Variants in CCZ1B observed in about 807,000 individuals in gnomAD.
CCZ1B encodes vacuolar fusion protein CCZ1 homolog B.
CCZ1B carries 25 observed loss-of-function variants against 58.8 expected under a neutral mutation model. The ratio of observed to expected loss-of-function variants is 0.43; its 90% CI spans 0.31 to 0.59. The LOEUF (loss-of-function observed/expected upper bound fraction) is 0.59. Ranked by LOEUF, CCZ1B falls within the 20% of genes least tolerant of loss-of-function variation. The probability of loss-of-function intolerance (pLI) is 0.12; values close to 1 mark genes in which losing one functional copy is unlikely to be tolerated. For missense variants in CCZ1B, 180 were observed against 501.5 expected, an observed-to-expected ratio of 0.36 and a Z score of 6.12; for synonymous variants, 66 against 173.2, an observed-to-expected ratio of 0.38 and a Z score of 4.86.
chr7:6,812,101 G>A (rs572486342), intron 9 of CCZ1B, 38 bp from the exon 10 acceptor site: 1 of 874,672 alleles, frequency 1.1e-6, no homozygotes, highest in African/African-American at 1.7e-5. Context: ...ATTCAACGAG[G>A]TGAAGGAGAA....
At chr7:6,818,161 G>T (rs1010694382) in intron 7 of CCZ1B, among the ~76,000 whole-genome samples, 2 of 149,740 alleles carry the variant, frequency 1.3e-5, no homozygotes, top group Admixed American at 6.6e-5. Flanking sequence ...ACAAGATTTT[G>T]GCAGGGAAGG....
intron 8 of CCZ1B, 53 bp downstream of exon 8, chr7:6,814,711 G>T: frequency 6.8e-7 from 1 of 1,476,732 alleles, no homozygotes; most frequent in Non-Finnish European, 9.3e-7. Context: ...CACTCCACCT[G>T]CCCTCTCTGT....
At chr7:6,818,561 AAGACAGAAAGAAAGACAGAAAGAAAGAC>A (rs1170598430) in intron 7 of CCZ1B, among the ~76,000 whole-genome samples, 1,389 of 97,244 alleles carry the variant, frequency 0.014, 139 homozygotes, top group African/African-American at 0.04. Flanking sequence ...GAAAGAAAGA[AAGACAGAAAGAAAGACAGAAAGAAAGAC>A]AGACAGAAAG....
At chr7:6,811,127 C>A (rs1782911284) in intron 10 of CCZ1B, among the ~76,000 whole-genome samples, 1 of 151,282 alleles carries the variant, frequency 6.6e-6, no homozygotes, top group Non-Finnish European at 1.5e-5. Flanking sequence ...ACTGGCCTCT[C>A]TGCCACACTT....
At chr7:6,820,081 G>C in intron 6 of CCZ1B, 140 bp from the exon 7 acceptor site, 1 of 1,248,940 alleles carries the variant, frequency 8.0e-7, no homozygotes. Flanking sequence ...ATGAGGCCGT[G>C]GTGAAGACAT....
intron 7 of CCZ1B, among the ~76,000 whole-genome samples, chr7:6,818,906 C>T (rs1338038878): frequency 6.7e-6 from 1 of 148,300 alleles, no homozygotes; most frequent in Non-Finnish European, 1.5e-5. Flanking sequence ...GTTCCTACTG[C>T]AGGACACAAA....
rs890247289 is a variant in CCZ1B, at chr7:6,810,900, A to C, written c.954+1052T>G. ...GAACCAGAAGGCTGACCAGAGATGG[A>C]GGCTTCACTCTGAGTGTAGGATGAA... On this transcript the variant is annotated intron_variant, in intron 10 of 14. Coordinates refer to ENST00000316731, the MANE Select transcript of CCZ1B (RefSeq NM_198097.5). Among the ~76,000 whole-genome samples the C allele has an allele frequency of 5.3e-5, 8 of 150,154 alleles. No individual in the cohort carries two copies. The South Asian group carries it at 1.0e-3, about 20-fold the overall frequency.
Position 6,824,691 on chromosome 7 carries a change from T to A in CCZ1B, c.167A>T (p.Asn56Ile), listed in dbSNP as rs775963081. The change falls in exon 2 of 15, where the codon AAT becomes ATT. Residue 56 changes from asparagine to isoleucine, a missense_variant. Asn to Ile is a moderately radical substitution (Grantham distance 149). Coordinates refer to ENST00000316731, the MANE Select transcript of CCZ1B (RefSeq NM_198097.5). ...LFYHPNEVEK[N>I]EKIRNVGLCE... ...CAATCCGACATTTCTAATCTTCTCATTCTTTTCTACCTCATTTGGATGATA... is the reference window on the plus strand; with the variant it reads ...CAATCCGACATTTCTAATCTTCTCAATCTTTTCTACCTCATTTGGATGATA... The A allele has an allele frequency of 6.2e-7, 1 of 1,606,782 alleles. No homozygotes were observed. Among genetic ancestry groups the A allele is most frequent in the Non-Finnish European group, 8.5e-7 (1 of 1,178,218 alleles).
At chr7:6,823,716 G>A (rs1222030048) in intron 4 of CCZ1B, 5 of 425,916 alleles carry the variant, frequency 1.2e-5, no homozygotes, top group African/African-American at 2.1e-5. Context: ...ACAGGGTTCC[G>A]CCATATTGGC....
chr7:6,803,587 ACT>A (rs1387951805), intron 12 of CCZ1B, among the ~76,000 whole-genome samples: 5 of 133,734 alleles, frequency 3.7e-5, no homozygotes, highest in Non-Finnish European at 6.4e-5. Context: ...TAATCCACAC[ACT>A]GTTGTACAAA....
chr7:6,824,433 G>A (rs1783162405), intron 3 of CCZ1B, 22 bp downstream of exon 3: 1 of 1,603,866 alleles, frequency 6.2e-7, no homozygotes, highest in Admixed American at 1.7e-5. Flanking sequence ...ATTTCAGAAA[G>A]ATACACTGTG....
rs2115129377 is a variant in CCZ1B at position 6,822,357 on chromosome 7, T to C, written c.446A>G (p.Asn149Ser). 6.3e-7 allele frequency: 1 copy of C among 1,592,366 alleles called. No homozygotes were observed. The highest frequency in any genetic ancestry group is 1.2e-5 in the South Asian group (1 of 86,552). Residue 149 changes from asparagine (N) to serine (S), a missense_variant, in exon 6 of 15, where the codon AAT becomes AGT. Asn to Ser is a conservative substitution (Grantham distance 46). Transcript: ENST00000316731. ...RQCYSMYKLF[N>S]GTFLKAMEDG... ...TTCCATGGCTTTCAGAAATGTACCA[T>C]TAAAAAGCTAGTGAGGTAAAAGATT...
chr7:6,814,975 T>C, intron 7 of CCZ1B, 130 bp from the exon 8 acceptor site: 1 of 591,860 alleles, frequency 1.7e-6, no homozygotes, highest in Non-Finnish European at 2.8e-6. Flanking sequence ...AAATTCTAAC[T>C]TTTTAAAGTT....
chr7:6,804,161 A>T (rs4724846), intron 12 of CCZ1B, among the ~76,000 whole-genome samples: 4,013 of 128,324 alleles, frequency 0.031, 1 homozygote, highest in South Asian at 0.053. Flanking sequence ...GCGGTAGCTC[A>T]CACCTGTAAT....
chr7:6,814,259 G>A (rs1782962451), intron 8 of CCZ1B, among the ~76,000 whole-genome samples: 2 of 149,322 alleles, frequency 1.3e-5, no homozygotes, highest in Admixed American at 1.3e-4. Context: ...TTTGTGGACT[G>A]GGGGCAGTGG....
chr7:6,823,355 C>T lies in CCZ1B; in HGVS notation c.396G>A (p.Lys132=). 6.2e-7 allele frequency: 1 copy of T among 1,608,088 alleles called. No individual in the cohort carries two copies. Among genetic ancestry groups the T allele is most frequent in the Non-Finnish European group, 8.5e-7 (1 of 1,177,912 alleles). Residue 132 remains lysine, a synonymous_variant, in exon 5 of 15, where the codon AAG becomes AAA. Coordinates refer to ENST00000316731, the MANE Select transcript of CCZ1B (RefSeq NM_198097.5). ...IEYQEEELLD[K]VYSSVLRQCY... is the part of the protein sequence containing the mutation. ...ACTGCCGCAGCACCGAGCTATAAAC[C>T]TTGTCCTGCAGACGCGAAAACACAG...
chr7:6,818,841 G>A lies in CCZ1B; in HGVS notation c.698+925C>T, dbSNP rs1490214181. ...CTCTAGGCCAAATGTGCACAACCTCGGTTGCCACCCAGCTCTCAGGGGTCA... is the reference window on the plus strand; with the variant it reads ...CTCTAGGCCAAATGTGCACAACCTCAGTTGCCACCCAGCTCTCAGGGGTCA... On this transcript the variant is annotated intron_variant, in intron 7 of 14. Transcript: ENST00000316731. 2.5e-4 allele frequency among the ~76,000 whole-genome samples: 37 copies of A among 148,780 alleles called. 5 individuals carry two copies. Among genetic ancestry groups the A allele is most frequent in the African/African-American group, 9.2e-4 (36 of 39,296 alleles).
intron 7 of CCZ1B, among the ~76,000 whole-genome samples, chr7:6,819,123 G>GAAAAA (rs1173368085): frequency 0.096 from 6,329 of 65,712 alleles, 555 homozygotes; most frequent in African/African-American, 0.21. Flanking sequence ...ATCTCTATAA[G>GAAAAA]AAAAAAAAAA....
intron 8 of CCZ1B, among the ~76,000 whole-genome samples, chr7:6,813,479 G>A (rs1250133418): frequency 6.7e-6 from 1 of 149,212 alleles, no homozygotes; most frequent in East Asian, 1.9e-4. Flanking sequence ...TTGGGAGGCT[G>A]AGGTGACAGG....
Sources: allele counts gnomAD v4.1 joint callset (sites outside exome capture counted in the v4.1 genomes callset), GRCh38; gene constraint gnomAD v4.1.1; transcripts MANE v1.5; gene names NCBI Gene and HGNC (gene_info 2026-07-23, HGNC 2026-07-21).